DLEU7: variants seen among roughly 807,000 people sequenced by gnomAD.
The protein encoded by DLEU7 is deleted in lymphocytic leukemia 7, also known as leukemia-associated protein 7.
In DLEU7, 17 loss-of-function variants were observed where a neutral mutation model predicts 16.0. The ratio of observed to expected loss-of-function variants is 1.06; its 90% CI spans 0.73 to 1.59. The LOEUF (loss-of-function observed/expected upper bound fraction) is 1.59. Ranked by LOEUF, DLEU7 falls within the 40% of genes most tolerant of loss-of-function variation. The pLI is 0.00. For synonymous variants in DLEU7, 113 were observed against 139.8 expected, an observed-to-expected ratio of 0.81 and a Z score of 1.35; for missense variants, 308 against 314.9, an observed-to-expected ratio of 0.98 and a Z score of 0.17.
chr13:50,779,857 G>T (rs916255699), intron 1 of DLEU7, among the ~76,000 whole-genome samples: 1 of 152,016 alleles, frequency 6.6e-6, no homozygotes, highest in Non-Finnish European at 1.5e-5. Flanking sequence ...GTTCTGATTC[G>T]TCAAAGAGAG....
At chr13:50,748,360 C>A (rs1187980310) in intron 1 of DLEU7, among the ~76,000 whole-genome samples, 1 of 149,904 alleles carries the variant, frequency 6.7e-6, no homozygotes, top group African/African-American at 2.4e-5. Flanking sequence ...TATTTAGAAG[C>A]CACCCTGGGT....
At chr13:50,814,198 T>C (rs1298866613) in intron 1 of DLEU7, among the ~76,000 whole-genome samples, 3 of 152,110 alleles carry the variant, frequency 2.0e-5, no homozygotes, top group African/African-American at 7.2e-5. Context: ...AAAATAGAAG[T>C]TGACTCCATG....
At chr13:50,784,244 T>C (rs1319563942) in intron 1 of DLEU7, among the ~76,000 whole-genome samples, 3 of 152,186 alleles carry the variant, frequency 2.0e-5, no homozygotes, top group Non-Finnish European at 4.4e-5. Context: ...AAAGAAGGAT[T>C]TTTTCCTAGC....
intron 1 of DLEU7, among the ~76,000 whole-genome samples, chr13:50,788,441 AG>A (rs1207604999): frequency 6.6e-6 from 1 of 152,184 alleles, no homozygotes; most frequent in Admixed American, 6.5e-5. Context: ...GTGAAAGAAA[AG>A]GTTGAAGTCA....
intron 1 of DLEU7, among the ~76,000 whole-genome samples, chr13:50,769,553 C>T (rs1875230708): frequency 6.6e-6 from 1 of 152,092 alleles, no homozygotes; most frequent in Admixed American, 6.5e-5. Context: ...GAGTCCTTTC[C>T]CCATTTCTTA....
chr13:50,839,967 A>G (rs1199096521), intron 1 of DLEU7: 1 of 152,216 alleles, frequency 6.6e-6, no homozygotes, highest in African/African-American at 2.4e-5. Context: ...CAGGAAGTGG[A>G]AGAGTAGGTT....
intron 1 of DLEU7, among the ~76,000 whole-genome samples, chr13:50,777,569 C>A (rs1001641902): frequency 3.9e-5 from 6 of 152,120 alleles, no homozygotes; most frequent in Admixed American, 3.9e-4. Flanking sequence ...CTTAATAAAC[C>A]CATGTATATA....
intron 1 of DLEU7, among the ~76,000 whole-genome samples, chr13:50,774,829 T>C (rs1566247466): frequency 6.6e-6 from 1 of 152,174 alleles, no homozygotes; most frequent in East Asian, 1.9e-4. Context: ...ATTGGCTTTC[T>C]TCATGGACAC....
intron 1 of DLEU7, among the ~76,000 whole-genome samples, chr13:50,773,167 C>T (rs542035299): frequency 6.6e-6 from 1 of 152,290 alleles, no homozygotes; most frequent in African/African-American, 2.4e-5. Context: ...AGCCATTCGT[C>T]TAATCTTTTT....
chr13:50,790,573 T>TCA (rs1484253743), intron 1 of DLEU7, among the ~76,000 whole-genome samples: 1 of 152,060 alleles, frequency 6.6e-6, no homozygotes, highest in Non-Finnish European at 1.5e-5. Flanking sequence ...CCTCGGTCTC[T>TCA]CACACACACT....
At chr13:50,833,206 C>T (rs531342329) in intron 1 of DLEU7, among the ~76,000 whole-genome samples, 17 of 152,194 alleles carry the variant, frequency 1.1e-4, no homozygotes, top group Admixed American at 3.3e-4. Flanking sequence ...AGGGCAATCA[C>T]GCAAGAGAAA....
chr13:50,757,353 G>A (rs1405619082), intron 1 of DLEU7, among the ~76,000 whole-genome samples: 1 of 152,176 alleles, frequency 6.6e-6, no homozygotes, highest in Non-Finnish European at 1.5e-5. Flanking sequence ...AACAAATTTA[G>A]TCATAGGAAC....
At chr13:50,793,835 T>G (rs778607791) in intron 1 of DLEU7, among the ~76,000 whole-genome samples, 1 of 152,234 alleles carries the variant, frequency 6.6e-6, no homozygotes, top group Non-Finnish European at 1.5e-5. Flanking sequence ...TCTCTTGCTG[T>G]GCAGAAGCTC....
In DLEU7 at chr13:50,739,327, C is replaced by A. The variant is rs79914057; in HGVS notation, c.460-26087G>T. On this transcript the variant is annotated intron_variant, in intron 1 of 1. Transcript: ENST00000400393. ...TTAGAAGATCTGCATCATCTGGAAC[C>A]AAATTTGACTTGTTTCCAACAGTAA... 0.02 allele frequency among the ~76,000 whole-genome samples: 3,083 copies of A among 152,186 alleles called. 226 individuals are homozygous for A. The East Asian group carries it at 0.2, about 10-fold the overall frequency.
At chr13:50,816,417 G>C (rs1441111315) in intron 1 of DLEU7, among the ~76,000 whole-genome samples, 1 of 152,114 alleles carries the variant, frequency 6.6e-6, no homozygotes, top group African/African-American at 2.4e-5. Flanking sequence ...GACTGGAAGA[G>C]AGGCAAGGGA....
chr13:50,827,623 G>C (rs1877131940), intron 1 of DLEU7, among the ~76,000 whole-genome samples: 1 of 152,112 alleles, frequency 6.6e-6, no homozygotes, highest in Non-Finnish European at 1.5e-5. Context: ...GGAGGTCAAG[G>C]CTGCAGTGAG....
At position 50,823,172 on chromosome 13, in the gene DLEU7, T is replaced by G. The variant is rs1237384534; in HGVS notation, c.*142A>C. 1.4e-6 allele frequency: 2 copies of G among 1,440,020 alleles called. No homozygotes were observed. The highest frequency in any genetic ancestry group is 1.8e-6 in the Non-Finnish European group (2 of 1,098,948). 89.2% of individuals were successfully genotyped at this position (1,440,020 alleles called of 1,614,324 possible). The stretch of plus-strand genomic sequence containing the variant: ...TAATCCCGAAGGCTACAGATGCCAC[T>G]GGTCAGACTGCTCCACGTACCATCA... On this transcript the variant is annotated 3_prime_UTR_variant, in exon 2 of 2. Coordinates refer to ENST00000504404, the MANE Select transcript of DLEU7 (RefSeq NM_001306135.2).
At chr13:50,783,799 CT>C (rs144952635) in intron 1 of DLEU7, among the ~76,000 whole-genome samples, 5,394 of 152,238 alleles carry the variant, frequency 0.035, 325 homozygotes, top group African/African-American at 0.12. Context: ...GCAACAGACA[CT>C]TTTTTACACA....
chr13:50,808,400 A>C (rs1000399717), intron 1 of DLEU7: 5 of 152,190 alleles, frequency 3.3e-5, no homozygotes, highest in African/African-American at 1.2e-4. Flanking sequence ...AGACATATTT[A>C]AGTATATATA....
Sources: gnomAD v4.1 joint callset for allele counts (sites outside exome capture counted in the v4.1 genomes callset) on GRCh38, gnomAD v4.1.1 for gene constraint, MANE v1.5 for transcripts, NCBI Gene and HGNC (gene_info 2026-07-23, HGNC 2026-07-21) for gene names.